Variants in B3GNT2 observed in about 807,000 individuals in gnomAD.
The protein encoded by B3GNT2 is UDP-GlcNAc:betaGal beta-1,3-N-acetylglucosaminyltransferase 2.
Under a neutral mutation model 27.6 loss-of-function variants are expected in B3GNT2, and 12 were observed. The observed-to-expected ratio is 0.44, with a 90% CI of 0.28 to 0.71. B3GNT2 has a LOEUF of 0.71. Among genes scored for constraint, B3GNT2 ranks in the 30% least tolerant of loss-of-function variants. The pLI is 0.17. For synonymous variants in B3GNT2, 192 were observed against 189.7 expected (o/e 1.01, Z -0.10); for missense variants, 413 against 488.5 (o/e 0.85, Z 1.46).
At chr2:62,211,527 A>G (rs1674482251) in intron 1 of B3GNT2, among the ~76,000 whole-genome samples, 1 of 152,208 alleles carries the variant, frequency 6.6e-6, no homozygotes, top group South Asian at 2.1e-4. Flanking sequence ...ATCAATGGGC[A>G]TCCAACTTGG....
At chr2:62,196,940 C>T (rs1490789764) in intron 1 of B3GNT2, among the ~76,000 whole-genome samples, 1 of 151,862 alleles carries the variant, frequency 6.6e-6, no homozygotes, top group Admixed American at 6.5e-5. Flanking sequence ...CCGCTCCCCA[C>T]CCCCCACCCC....
intron 1 of B3GNT2, among the ~76,000 whole-genome samples, chr2:62,211,884 C>G (rs1674488206): frequency 6.6e-6 from 1 of 152,220 alleles, no homozygotes; most frequent in Non-Finnish European, 1.5e-5. Flanking sequence ...TTGACCCCTG[C>G]TGTTGACTAA....
chr2:62,221,623 G>A (rs759740512), intron 1 of B3GNT2, among the ~76,000 whole-genome samples: 12 of 152,114 alleles, frequency 7.9e-5, no homozygotes, highest in Non-Finnish European at 1.8e-4. Flanking sequence ...CCTGAGCAAC[G>A]TAACCAGTCC....
rs758800402 is a variant in B3GNT2, at chr2:62,222,976, C to G, written c.756C>G (p.Thr252=). 6.2e-6 allele frequency: 10 copies of G among 1,614,026 alleles called. No homozygotes were observed. Among genetic ancestry groups the G allele is most frequent in the Non-Finnish European group, 8.5e-6 (10 of 1,180,028 alleles). Reference sequence around the variant, plus strand: ...GCGATGACGATGTTTTTGTGAACACCCATCACATCCTGAATTACTTGAATA... The same window carrying G: ...GCGATGACGATGTTTTTGTGAACACGCATCACATCCTGAATTACTTGAATA... The part of the protein sequence containing the change: ...FKGDDDVFVN[T]HHILNYLNSL... Residue 252 remains threonine, a synonymous_variant, in exon 2 of 2, where the codon ACC becomes ACG. Coordinates refer to ENST00000301998, the MANE Select transcript of B3GNT2 (RefSeq NM_006577.6). The surrounding 1 kb of genome is among the most constrained non-coding windows in gnomAD (Gnocchi z 4.2).
chr2:62,213,612 C>T (rs924280516), intron 1 of B3GNT2, among the ~76,000 whole-genome samples: 1 of 152,138 alleles, frequency 6.6e-6, no homozygotes, highest in Non-Finnish European at 1.5e-5. Flanking sequence ...GAGGGGGCGG[C>T]TGTACTTCTC....
At chr2:62,197,320 G>A (rs1457052728) in intron 1 of B3GNT2, among the ~76,000 whole-genome samples, 1 of 152,240 alleles carries the variant, frequency 6.6e-6, no homozygotes, top group Non-Finnish European at 1.5e-5. Flanking sequence ...GGGCTGGGGA[G>A]CCGCAGAACT....
intron 1 of B3GNT2, among the ~76,000 whole-genome samples, chr2:62,216,342 TCTC>T (rs1024871445): frequency 5.3e-5 from 8 of 151,960 alleles, no homozygotes; most frequent in Admixed American, 3.3e-4. Flanking sequence ...CTGAAGGTCA[TCTC>T]ATGTGGATGG....
rs1674729885 is a variant in B3GNT2 at position 62,222,450 on chromosome 2, T to C, written c.230T>C (p.Leu77Pro). ...CAGTACAACCCCATCCTGAGCATGCTGACCAACCAGACGGGGGAGGCGGGC... is the reference window on the plus strand; with the variant it reads ...CAGTACAACCCCATCCTGAGCATGCCGACCAACCAGACGGGGGAGGCGGGC... ...NRQYNPILSM[L>P]TNQTGEAGRL... Residue 77 changes from leucine to proline, a missense_variant, in exon 2 of 2, where the codon CTG becomes CCG. Leu to Pro is a moderately conservative substitution (Grantham distance 98, BLOSUM62 -3). Coordinates refer to ENST00000301998, the MANE Select transcript of B3GNT2 (RefSeq NM_006577.6). This position sits in a 1 kb window ranked among gnomAD's most constrained non-coding sequence, Gnocchi z 4.2. 4.3e-6 allele frequency: 7 copies of C among 1,614,100 alleles called. No homozygotes were observed. Among genetic ancestry groups the C allele is most frequent in the Non-Finnish European group, 5.9e-6 (7 of 1,180,018 alleles).
intron 1 of B3GNT2, among the ~76,000 whole-genome samples, chr2:62,206,478 G>T (rs570342700): frequency 1.3e-5 from 2 of 152,180 alleles, no homozygotes; most frequent in Admixed American, 6.5e-5. Context: ...TTTATTATAA[G>T]GAGTGTCCTT....
intron 1 of B3GNT2, among the ~76,000 whole-genome samples, chr2:62,208,171 T>C (rs1674413347): frequency 6.6e-6 from 1 of 152,112 alleles, no homozygotes; most frequent in African/African-American, 2.4e-5. Context: ...TCTGTAGACA[T>C]GAGGAGCCCA....
chr2:62,204,027 G>A (rs1674321900), intron 1 of B3GNT2, among the ~76,000 whole-genome samples: 1 of 152,162 alleles, frequency 6.6e-6, no homozygotes, highest in Admixed American at 6.5e-5. Flanking sequence ...GTTTATTTGT[G>A]CTTCAGAATT....
intron 1 of B3GNT2, chr2:62,221,971 C>T (rs1014408840): frequency 1.8e-6 from 1 of 567,528 alleles, no homozygotes; most frequent in Non-Finnish European, 3.2e-6. Flanking sequence ...ATCATATACT[C>T]ACAACCATCC....
intron 1 of B3GNT2, among the ~76,000 whole-genome samples, chr2:62,215,098 G>A (rs1032033921): frequency 2.0e-5 from 3 of 152,142 alleles, no homozygotes; most frequent in African/African-American, 4.8e-5. Flanking sequence ...CTTTCGGGGG[G>A]TTGTAATCAG....
At chr2:62,213,427 A>C (rs1174308424) in intron 1 of B3GNT2, among the ~76,000 whole-genome samples, 7 of 152,200 alleles carry the variant, frequency 4.6e-5, no homozygotes, top group African/African-American at 1.7e-4. Flanking sequence ...CTGGAGGTCC[A>C]TCCCTCTCCA....
chr2:62,223,681 A>T lies in B3GNT2; in HGVS notation c.*267A>T, dbSNP rs1291194362. On this transcript the variant is annotated 3_prime_UTR_variant, in exon 2 of 2. Transcript: ENST00000301998. ...ATTTTTAAAAAACTTGTACCCTCTT[A>T]TCTGAAATCCTGTTTCTGGAATTTG... 11 of 319,528 alleles carry T rather than the reference A, an allele frequency of 3.4e-5. No individual in the cohort carries two copies. The Admixed American group carries it at 4.6e-4, about 13-fold the overall frequency. The allele number at this position is 319,528 out of a possible 1,614,324, so 19.8% of individuals were successfully genotyped here.
At chr2:62,220,841 G>A (rs1409893748) in intron 1 of B3GNT2, among the ~76,000 whole-genome samples, 3 of 152,074 alleles carry the variant, frequency 2.0e-5, no homozygotes, top group Non-Finnish European at 4.4e-5. Context: ...TCTTGTATAG[G>A]TCATCCATGT....
At chr2:62,203,068 C>G (rs987735530) in intron 1 of B3GNT2, among the ~76,000 whole-genome samples, 1 of 152,222 alleles carries the variant, frequency 6.6e-6, no homozygotes, top group Non-Finnish European at 1.5e-5. Context: ...ATCAACCTTA[C>G]AGCAATCAAC....
rs1213901371 is a variant in B3GNT2, at chr2:62,222,848, A to T, written c.628A>T (p.Met210Leu). Residue 210 changes from methionine to leucine, a missense_variant, in exon 2 of 2, where the codon ATG becomes TTG. Met to Leu is a conservative substitution (Grantham distance 15). Coordinates refer to ENST00000301998, the MANE Select transcript of B3GNT2 (RefSeq NM_006577.6). This position sits in a 1 kb window ranked among gnomAD's most constrained non-coding sequence, Gnocchi z 4.2. The part of the protein sequence containing the change: ...FESEKHQDIL[M>L]WNYRDTFFNL... Reference sequence around the variant, plus strand: ...GAGTGAGAAGCACCAAGACATTCTTATGTGGAACTACAGAGACACTTTCTT... The same window carrying T: ...GAGTGAGAAGCACCAAGACATTCTTTTGTGGAACTACAGAGACACTTTCTT... 2 of 1,614,074 alleles carry T rather than the reference A, an allele frequency of 1.2e-6. No individual in the cohort carries two copies. The highest frequency in any genetic ancestry group is 2.2e-5 in the South Asian group (2 of 91,088).
intron 1 of B3GNT2, among the ~76,000 whole-genome samples, chr2:62,211,082 G>T (rs901727927): frequency 7.9e-5 from 12 of 152,166 alleles, no homozygotes; most frequent in Non-Finnish European, 1.5e-4. Context: ...GCAGTTGGGT[G>T]GGGTGGCTCG....
Sources: gnomAD v4.1 joint callset for allele counts (sites outside exome capture counted in the v4.1 genomes callset) on GRCh38, gnomAD v4.1.1 for gene constraint, Gnocchi (gnomAD v3.1) non-coding constraint, MANE v1.5 for transcripts, NCBI Gene and HGNC (gene_info 2026-07-23, HGNC 2026-07-21) for gene names.